GRM7: variants seen among roughly 807,000 people sequenced by gnomAD.
GRM7 encodes the protein glutamate metabotropic receptor 7.
A neutral mutation model predicts 84.5 loss-of-function variants in GRM7; 35 were observed. The ratio of observed to expected loss-of-function variants is 0.41; its 90% CI spans 0.32 to 0.55. The LOEUF (loss-of-function observed/expected upper bound fraction) is 0.55. GRM7 is among the 20% of genes least tolerant of loss of function. GRM7 has a pLI of 0.19. For synonymous variants in GRM7, 487 were observed against 455.1 expected, an observed-to-expected ratio of 1.07 and a Z score of -0.89; for missense variants, 1,003 against 1,194.6, an observed-to-expected ratio of 0.84 and a Z score of 2.36.
intron 4 of GRM7, among the ~76,000 whole-genome samples, chr3:7,348,214 A>G (rs1018725318): frequency 3.3e-5 from 5 of 152,126 alleles, no homozygotes; most frequent in African/African-American, 1.2e-4. Context: ...TCCAGGCCAT[A>G]TATCTATGGA....
intron 6 of GRM7, among the ~76,000 whole-genome samples, chr3:7,460,263 AT>A (rs1390417157): frequency 6.6e-6 from 1 of 152,052 alleles, no homozygotes; most frequent in Non-Finnish European, 1.5e-5. Context: ...TCATTGTTTT[AT>A]TTGCTTATAC....
intron 7 of GRM7, among the ~76,000 whole-genome samples, chr3:7,465,583 G>A (rs776968055): frequency 1.3e-5 from 2 of 152,112 alleles, no homozygotes; most frequent in African/African-American, 2.4e-5. Flanking sequence ...TCTATTAAAT[G>A]TTCTGTGAGA....
chr3:7,367,980 C>A (rs9822447), intron 4 of GRM7, among the ~76,000 whole-genome samples: 84,388 of 145,830 alleles, frequency 0.58, 24,957 homozygotes, highest in African/African-American at 0.59. Flanking sequence ...ACAACAACTA[C>A]ACAGACAATG....
At chr3:6,905,996 A>G (rs1036355091) in intron 1 of GRM7, among the ~76,000 whole-genome samples, 1 of 152,214 alleles carries the variant, frequency 6.6e-6, no homozygotes, top group Admixed American at 6.5e-5. Context: ...CTTTTGTTGC[A>G]TTATAAGCCA....
At chr3:7,623,789 A>G (rs62235222) in intron 8 of GRM7, among the ~76,000 whole-genome samples, 20,384 of 152,192 alleles carry the variant, frequency 0.13, 1,560 homozygotes, top group Non-Finnish European at 0.17. Context: ...ATCTATGATA[A>G]AATAACATAC....
At chr3:7,626,896 C>G (rs1678338963) in intron 8 of GRM7, among the ~76,000 whole-genome samples, 1 of 150,934 alleles carries the variant, frequency 6.6e-6, no homozygotes, top group African/African-American at 2.4e-5. Context: ...TTGCAATAGC[C>G]CAGGTCCAAA....
chr3:7,416,702 A>C (rs758886857), intron 5 of GRM7, among the ~76,000 whole-genome samples: 15 of 152,184 alleles, frequency 9.9e-5, no homozygotes, highest in Non-Finnish European at 2.1e-4. Context: ...CGGATTCACC[A>C]CATTCTCCAG....
At chr3:7,499,699 A>G (rs544266297) in intron 7 of GRM7, among the ~76,000 whole-genome samples, 5 of 152,144 alleles carry the variant, frequency 3.3e-5, no homozygotes, top group Admixed American at 2.0e-4. Context: ...CACTCCCAAG[A>G]TAAAACTGTT....
At chr3:6,895,445 T>C (rs1381647403) in intron 1 of GRM7, among the ~76,000 whole-genome samples, 7 of 152,202 alleles carry the variant, frequency 4.6e-5, no homozygotes, top group Admixed American at 4.6e-4. Flanking sequence ...TTCTGCCATA[T>C]GGTAAGAACA....
chr3:7,426,307 C>T (rs1696609699), intron 5 of GRM7, among the ~76,000 whole-genome samples: 1 of 151,924 alleles, frequency 6.6e-6, no homozygotes, highest in African/African-American at 2.4e-5. Context: ...TTAGTAGAGA[C>T]AGGGTTTCTC....
intron 4 of GRM7, among the ~76,000 whole-genome samples, chr3:7,395,442 C>A (rs981472006): frequency 1.3e-5 from 2 of 152,138 alleles, no homozygotes; most frequent in Non-Finnish European, 2.9e-5. Context: ...GTCATCTCAC[C>A]ATTTCTACTA....
chr3:7,168,291 C>G (rs1473229057), intron 2 of GRM7, among the ~76,000 whole-genome samples: 2 of 152,104 alleles, frequency 1.3e-5, no homozygotes, highest in Non-Finnish European at 2.9e-5. Context: ...GTTCTTCATG[C>G]CTTCTATGGA....
At chr3:7,298,196 T>C (rs1253275034) in intron 2 of GRM7, among the ~76,000 whole-genome samples, 3 of 152,158 alleles carry the variant, frequency 2.0e-5, no homozygotes, top group African/African-American at 7.2e-5. Flanking sequence ...TTATTCCACT[T>C]ATTCCACTGG....
chr3:7,121,538 C>T (rs777789152), intron 1 of GRM7, among the ~76,000 whole-genome samples: 3 of 152,114 alleles, frequency 2.0e-5, no homozygotes, highest in Non-Finnish European at 2.9e-5. Flanking sequence ...CAAATTCCAC[C>T]GTAGATTCTT....
intron 1 of GRM7, among the ~76,000 whole-genome samples, chr3:6,976,578 C>T (rs1694006809): frequency 6.6e-6 from 1 of 152,096 alleles, no homozygotes; most frequent in Non-Finnish European, 1.5e-5. Flanking sequence ...TCTTTGAGCA[C>T]CAATTCTTAA....
At chr3:6,903,206 GT>G (rs79484992) in intron 1 of GRM7, among the ~76,000 whole-genome samples, 3,890 of 144,534 alleles carry the variant, frequency 0.027, 180 homozygotes, top group African/African-American at 0.091. Context: ...ATTTTATAGG[GT>G]TTTTTTTTTT....
At chr3:7,377,242 A>G (rs966223218) in intron 4 of GRM7, among the ~76,000 whole-genome samples, 2 of 152,160 alleles carry the variant, frequency 1.3e-5, no homozygotes, top group Non-Finnish European at 2.9e-5. Context: ...CATAAATTCA[A>G]GTCAAATGTG....
At chr3:7,167,723 T>A (rs6443094) in intron 2 of GRM7, among the ~76,000 whole-genome samples, 111,843 of 151,756 alleles carry the variant, frequency 0.74, 41,366 homozygotes, top group East Asian at 0.87. Flanking sequence ...TAATCCCAGC[T>A]CTTTGGGAGG....
intron 1 of GRM7, among the ~76,000 whole-genome samples, chr3:7,005,622 T>C (rs1346747882): frequency 6.6e-6 from 1 of 152,198 alleles, no homozygotes; most frequent in Non-Finnish European, 1.5e-5. Flanking sequence ...CTGGGCAGAA[T>C]TGTATGATTT....
Sources: allele counts gnomAD v4.1 joint callset (sites outside exome capture counted in the v4.1 genomes callset), GRCh38; gene constraint gnomAD v4.1.1; transcripts MANE v1.5; gene names NCBI Gene and HGNC (gene_info 2026-07-23, HGNC 2026-07-21).